The following NRCAM variants were observed in gnomAD, a reference collection of about 807,000 sequenced individuals.
NRCAM encodes NgCAM-related cell adhesion molecule.
NRCAM carries 83 observed loss-of-function variants against 156.5 expected under a neutral mutation model. The ratio of observed to expected loss-of-function variants is 0.53; its 90% CI spans 0.44 to 0.64. The LOEUF is 0.64. Ranked by LOEUF, NRCAM falls within the 30% of genes least tolerant of loss-of-function variation. The pLI is 0.00. For missense variants in NRCAM, 1,417 were observed against 1,597.3 expected (o/e 0.89, Z 1.92); for synonymous variants, 538 against 563.9 (o/e 0.95, Z 0.65).
intron 28 of NRCAM, among the ~76,000 whole-genome samples, chr7:108,172,857 T>C (rs1327721959): frequency 6.6e-6 from 1 of 152,190 alleles, no homozygotes; most frequent in Non-Finnish European, 1.5e-5. Flanking sequence ...TTAACATCTC[T>C]TAAAATCTGT....
At chr7:108,347,288 G>A (rs1236064510) in intron 2 of NRCAM, among the ~76,000 whole-genome samples, 3 of 151,926 alleles carry the variant, frequency 2.0e-5, no homozygotes, top group South Asian at 2.1e-4. Context: ...CACCCGCCTC[G>A]GCCTCCCAAA....
At chr7:108,247,013 G>C (rs1314350297) in intron 3 of NRCAM, among the ~76,000 whole-genome samples, 1 of 152,068 alleles carries the variant, frequency 6.6e-6, no homozygotes, top group Non-Finnish European at 1.5e-5. Flanking sequence ...TGGGAAGTAT[G>C]AGCCATACTA....
intron 4 of NRCAM, among the ~76,000 whole-genome samples, chr7:108,238,732 C>T (rs2095315409): frequency 6.6e-6 from 1 of 152,064 alleles, no homozygotes; most frequent in Non-Finnish European, 1.5e-5. Context: ...CATTCCCACT[C>T]CAATGGGCTT....
chr7:108,403,033 G>A (rs2099797498), intron 1 of NRCAM, among the ~76,000 whole-genome samples: 1 of 152,192 alleles, frequency 6.6e-6, no homozygotes, highest in South Asian at 2.1e-4. Context: ...CAGGGCAGCT[G>A]TGCAGCAAGC....
intron 11 of NRCAM, among the ~76,000 whole-genome samples, chr7:108,223,298 C>T (rs894226748): frequency 6.6e-6 from 1 of 152,138 alleles, no homozygotes; most frequent in African/African-American, 2.4e-5. Context: ...GCTCTGTAGA[C>T]CTCTTGACAA....
chr7:108,219,119 T>C (rs2091069609), intron 11 of NRCAM, among the ~76,000 whole-genome samples: 1 of 152,162 alleles, frequency 6.6e-6, no homozygotes, highest in Non-Finnish European at 1.5e-5. Context: ...AAGAGATGGA[T>C]AAATTCCTGG....
chr7:108,154,324 T>A (rs1274291427), intron 32 of NRCAM, among the ~76,000 whole-genome samples: 2 of 152,214 alleles, frequency 1.3e-5, no homozygotes, highest in Non-Finnish European at 2.9e-5. Flanking sequence ...AGAATAAGTT[T>A]TAAAGTCTTA....
intron 2 of NRCAM, among the ~76,000 whole-genome samples, chr7:108,345,493 T>A (rs1271499633): frequency 6.6e-6 from 1 of 152,212 alleles, no homozygotes; most frequent in African/African-American, 2.4e-5. Context: ...CTATGAACTC[T>A]TTGTGTCCTC....
chr7:108,216,662 T>C (rs2089156494), intron 11 of NRCAM, among the ~76,000 whole-genome samples: 1 of 152,220 alleles, frequency 6.6e-6, no homozygotes, highest in Admixed American at 6.5e-5. Context: ...TTCATTAAGT[T>C]GATCTTCTAT....
At chr7:108,171,025 A>T (rs1374829900) in intron 28 of NRCAM, among the ~76,000 whole-genome samples, 1 of 152,194 alleles carries the variant, frequency 6.6e-6, no homozygotes, top group Non-Finnish European at 1.5e-5. Context: ...CCCAGAAAAG[A>T]TACCACAATT....
At chr7:108,425,226 T>C (rs1815568356) in intron 1 of NRCAM, among the ~76,000 whole-genome samples, 1 of 152,220 alleles carries the variant, frequency 6.6e-6, no homozygotes. Flanking sequence ...GAAAATATGA[T>C]GGTAATGGAA....
intron 30 of NRCAM, among the ~76,000 whole-genome samples, chr7:108,162,517 G>A (rs1327691288): frequency 6.6e-6 from 1 of 152,096 alleles, no homozygotes; most frequent in Non-Finnish European, 1.5e-5. Context: ...CTAATTAAAT[G>A]CAACTAAAAA....
chr7:108,388,318 A>C (rs2099748054), intron 2 of NRCAM, among the ~76,000 whole-genome samples: 1 of 152,144 alleles, frequency 6.6e-6, no homozygotes, highest in Non-Finnish European at 1.5e-5. Context: ...AGTGATGATG[A>C]GCATTTTTTC....
intron 2 of NRCAM, among the ~76,000 whole-genome samples, chr7:108,323,910 C>A (rs2099033547): frequency 6.6e-6 from 1 of 152,078 alleles, no homozygotes; most frequent in Non-Finnish European, 1.5e-5. Flanking sequence ...AAGGGCTTTG[C>A]AGGCAAGGTG....
chr7:108,365,090 AT>A (rs1311403895), intron 2 of NRCAM, among the ~76,000 whole-genome samples: 1 of 152,234 alleles, frequency 6.6e-6, no homozygotes, highest in Admixed American at 6.5e-5. Flanking sequence ...GCTGGGGAGT[AT>A]AATCTTTGAA....
At chr7:108,244,933 A>G (rs1026057977) in intron 3 of NRCAM, among the ~76,000 whole-genome samples, 1 of 152,254 alleles carries the variant, frequency 6.6e-6, no homozygotes, top group African/African-American at 2.4e-5. Flanking sequence ...AAAACCCCAG[A>G]AAACAGAAAA....
chr7:108,150,589 G>A (rs1563148049), intron 32 of NRCAM: 2 of 468,722 alleles, frequency 4.3e-6, no homozygotes, highest in Non-Finnish European at 8.6e-6. Context: ...TTTTGGTTAA[G>A]TGTGAAATGT....
At chr7:108,204,023 G>C (rs984977200) in intron 13 of NRCAM, among the ~76,000 whole-genome samples, 1 of 151,998 alleles carries the variant, frequency 6.6e-6, no homozygotes, top group Admixed American at 6.6e-5. Context: ...TCCTTCCCCC[G>C]TCTCCCAGCC....
At chr7:108,164,623 G>C (rs1017245882) in intron 30 of NRCAM, among the ~76,000 whole-genome samples, 3 of 152,074 alleles carry the variant, frequency 2.0e-5, no homozygotes, top group African/African-American at 7.2e-5. Context: ...TTTCACACTG[G>C]AGTTAACCCA....
Sources: allele counts gnomAD v4.1 joint callset (sites outside exome capture counted in the v4.1 genomes callset), GRCh38; gene constraint gnomAD v4.1.1; transcripts MANE v1.5; gene names NCBI Gene and HGNC (gene_info 2026-07-23, HGNC 2026-07-21).